PCED1B: variants seen among roughly 807,000 people sequenced by gnomAD.
PCED1B encodes PC-esterase domain-containing protein 1B.
For missense variants in PCED1B, 573 were observed against 573.9 expected (o/e 1.00, Z 0.02); for synonymous variants, 251 against 246.1 (o/e 1.02, Z -0.19).
rs1240357704 is a variant in PCED1B at position 47,153,239 on chromosome 12, A to G, written c.-526+49044A>G. On this transcript the variant is annotated intron_variant, in intron 2 of 3. Coordinates refer to ENST00000546455, the MANE Select transcript of PCED1B (RefSeq NM_138371.3). Reference sequence around the variant, plus strand: ...GTGGCGGGCGCCTGTAGTCCCAGCTACTTGGGAGGCTGAGGCAGGAGAATG... The same window carrying G: ...GTGGCGGGCGCCTGTAGTCCCAGCTGCTTGGGAGGCTGAGGCAGGAGAATG... 1.1e-4 allele frequency among the ~76,000 whole-genome samples: 16 copies of G among 151,128 alleles called. No homozygotes were observed. In the East Asian group the frequency reaches 2.9e-3, roughly 28 times the overall value.
intron 2 of PCED1B, among the ~76,000 whole-genome samples, chr12:47,194,711 G>A (rs988517614): frequency 6.6e-6 from 1 of 152,168 alleles, no homozygotes; most frequent in African/African-American, 2.4e-5. Context: ...AACAAGAAAG[G>A]TCATACCGGT....
At chr12:47,111,901 A>G (rs1374299916) in intron 2 of PCED1B, among the ~76,000 whole-genome samples, 1 of 152,166 alleles carries the variant, frequency 6.6e-6, no homozygotes, top group Non-Finnish European at 1.5e-5. Context: ...GGAATTCAGT[A>G]TCATTCATGG....
chr12:47,079,951 G>C (rs1489587573), intron 1 of PCED1B: 2 of 151,688 alleles, frequency 1.3e-5, no homozygotes, highest in Non-Finnish European at 2.9e-5. Flanking sequence ...GCAGCAGCTC[G>C]GAGCCTGCGG....
chr12:47,106,731 T>C (rs1046215520), intron 2 of PCED1B, among the ~76,000 whole-genome samples: 2 of 152,226 alleles, frequency 1.3e-5, no homozygotes, highest in Non-Finnish European at 2.9e-5. Flanking sequence ...TGTAAAATGT[T>C]TAAAAGAAAA....
At chr12:47,159,252 A>G (rs988704946) in intron 2 of PCED1B, among the ~76,000 whole-genome samples, 2 of 152,130 alleles carry the variant, frequency 1.3e-5, no homozygotes, top group African/African-American at 4.8e-5. Flanking sequence ...CCTCTGGATA[A>G]ATACCAAGTA....
chr12:47,198,793 T>C (rs963833144), intron 2 of PCED1B, among the ~76,000 whole-genome samples: 2 of 151,878 alleles, frequency 1.3e-5, no homozygotes, highest in Non-Finnish European at 2.9e-5. Flanking sequence ...GGTGAAACCC[T>C]GTCTCTACTA....
intron 1 of PCED1B, among the ~76,000 whole-genome samples, chr12:47,089,461 C>CATGTGTATAT (rs1233280547): frequency 1.6e-5 from 1 of 63,396 alleles, no homozygotes; most frequent in African/African-American, 6.1e-5. Context: ...AAAAAAAATA[C>CATGTGTATAT]ATATATATAT....
At chr12:47,156,727 A>G (rs762601223) in intron 2 of PCED1B, among the ~76,000 whole-genome samples, 3 of 152,040 alleles carry the variant, frequency 2.0e-5, no homozygotes, top group Non-Finnish European at 4.4e-5. Flanking sequence ...TGCTCCGATA[A>G]CACTCTGTAT....
intron 3 of PCED1B, among the ~76,000 whole-genome samples, chr12:47,224,631 C>T (rs1398195010): frequency 6.6e-6 from 1 of 152,164 alleles, no homozygotes; most frequent in Non-Finnish European, 1.5e-5. Flanking sequence ...TTTCGCTTAT[C>T]TCGCATGATT....
chr12:47,111,491 A>G (rs563010642), intron 2 of PCED1B, among the ~76,000 whole-genome samples: 1 of 152,156 alleles, frequency 6.6e-6, no homozygotes, highest in Admixed American at 6.5e-5. Context: ...CCTTAAGTAC[A>G]TTCACTTTAT....
Position 47,217,632 on chromosome 12 carries a change from A to T in PCED1B, c.-58+943A>T, listed in dbSNP as rs56398760. On this transcript the variant is annotated intron_variant, in intron 3 of 3. Coordinates refer to ENST00000546455, the MANE Select transcript of PCED1B (RefSeq NM_138371.3). ...CACTCTGCTGCTCAGGCTGGAGTGC[A>T]GTGGTGCTATCTCTGCTCACCGCAA... Among the ~76,000 whole-genome samples the T allele has an allele frequency of 3.3e-3, 496 of 152,234 alleles. 3 individuals are homozygous for T. The highest frequency in any genetic ancestry group is 0.011 in the African/African-American group (471 of 41,532).
intron 2 of PCED1B, among the ~76,000 whole-genome samples, chr12:47,140,275 A>G (rs894013681): frequency 6.6e-6 from 1 of 152,222 alleles, no homozygotes; most frequent in Non-Finnish European, 1.5e-5. Context: ...AACTTTGTAA[A>G]TATATAATGC....
intron 2 of PCED1B, among the ~76,000 whole-genome samples, chr12:47,147,754 G>C (rs1940845978): frequency 6.6e-6 from 1 of 152,034 alleles, no homozygotes; most frequent in Non-Finnish European, 1.5e-5. Context: ...GAACATCTAG[G>C]CTCTCCCTAG....
chr12:47,166,540 T>G (rs1357935), intron 2 of PCED1B, among the ~76,000 whole-genome samples: 107,339 of 152,132 alleles, frequency 0.71, 38,139 homozygotes, highest in African/African-American at 0.78. Context: ...TATGAATTAA[T>G]TATAGTTGAA....
chr12:47,160,293 C>CTTTTTTTTT (rs59856338), intron 2 of PCED1B, among the ~76,000 whole-genome samples: 105 of 69,162 alleles, frequency 1.5e-3, no homozygotes, highest in South Asian at 1.9e-3. Flanking sequence ...TTTTCTTTTT[C>CTTTTTTTTT]TTTTTTTTTT....
At chr12:47,189,079 C>CT (rs1217423893) in intron 2 of PCED1B, among the ~76,000 whole-genome samples, 1 of 152,174 alleles carries the variant, frequency 6.6e-6, no homozygotes, top group Admixed American at 6.5e-5. Flanking sequence ...CTTTGCTGTT[C>CT]TTTTTCATTT....
At chr12:47,123,198 T>G (rs1939750470) in intron 2 of PCED1B, among the ~76,000 whole-genome samples, 1 of 152,188 alleles carries the variant, frequency 6.6e-6, no homozygotes, top group Non-Finnish European at 1.5e-5. Context: ...GAGATCCGCA[T>G]TCAGTTACAG....
At chr12:47,188,139 G>A (rs1428432303) in intron 2 of PCED1B, among the ~76,000 whole-genome samples, 1 of 152,078 alleles carries the variant, frequency 6.6e-6, no homozygotes, top group Non-Finnish European at 1.5e-5. Context: ...AAAATTACAT[G>A]TCTTATCTCC....
chr12:47,183,263 G>T (rs956565387), intron 2 of PCED1B, among the ~76,000 whole-genome samples: 1 of 152,214 alleles, frequency 6.6e-6, no homozygotes, highest in Non-Finnish European at 1.5e-5. Flanking sequence ...GAGGTGGGCA[G>T]AATGTACATA....
Sources: gnomAD v4.1 joint callset for allele counts (sites outside exome capture counted in the v4.1 genomes callset) on GRCh38, gnomAD v4.1.1 for gene constraint, MANE v1.5 for transcripts, NCBI Gene and HGNC (gene_info 2026-07-23, HGNC 2026-07-21) for gene names.